The following DIP2C variants were observed in gnomAD, a reference collection of about 807,000 sequenced individuals.
DIP2C encodes the protein disco-interacting protein 2 homolog C.
Under a neutral mutation model 192.4 loss-of-function variants are expected in DIP2C, and 33 were observed. That is an observed-to-expected ratio of 0.17 (90% CI 0.13 to 0.23). The LOEUF (loss-of-function observed/expected upper bound fraction) is 0.23. DIP2C is among the 10% of genes least tolerant of loss of function. The pLI, the probability that DIP2C is intolerant of heterozygous loss-of-function variation, is 1.00. For synonymous variants in DIP2C, 979 were observed against 864.1 expected, an observed-to-expected ratio of 1.13 and a Z score of -2.33; for missense variants, 1,537 against 2,110.1, an observed-to-expected ratio of 0.73 and a Z score of 5.32.
chr10:571,322 G>A (rs1157949439), intron 1 of DIP2C, among the ~76,000 whole-genome samples: 6 of 152,036 alleles, frequency 3.9e-5, no homozygotes, highest in African/African-American at 7.2e-5. Flanking sequence ...GCTCCCCCCG[G>A]CCATCACACT....
chr10:467,605 T>C (rs1213164167), intron 3 of DIP2C, among the ~76,000 whole-genome samples: 1 of 144,858 alleles, frequency 6.9e-6, no homozygotes, highest in African/African-American at 2.5e-5. Flanking sequence ...ATATATACCA[T>C]GGAATAGTAT....
chr10:605,475 G>A (rs376549855), intron 1 of DIP2C, among the ~76,000 whole-genome samples: 80 of 152,294 alleles, frequency 5.3e-4, no homozygotes, highest in African/African-American at 1.7e-3. Flanking sequence ...ATCAACTGAT[G>A]CCCGCCCTTC....
intron 1 of DIP2C, among the ~76,000 whole-genome samples, chr10:571,206 C>T (rs1011517930): frequency 2.0e-5 from 3 of 152,236 alleles, no homozygotes; most frequent in African/African-American, 7.2e-5. Flanking sequence ...CAGGGAGAAG[C>T]ACTTCTCTCT....
intron 1 of DIP2C, among the ~76,000 whole-genome samples, chr10:620,008 A>G (rs533823571): frequency 6.6e-6 from 1 of 152,218 alleles, no homozygotes; most frequent in African/African-American, 2.4e-5. Context: ...AAGACACCCA[A>G]TCAGATGCAG....
chr10:500,481 C>A (rs189224686), intron 1 of DIP2C, among the ~76,000 whole-genome samples: 2 of 152,218 alleles, frequency 1.3e-5, no homozygotes, highest in African/African-American at 4.8e-5. Flanking sequence ...AGGTTTTACA[C>A]GAGAATTTCC....
At chr10:534,250 G>A (rs1403023771) in intron 1 of DIP2C, among the ~76,000 whole-genome samples, 7 of 152,190 alleles carry the variant, frequency 4.6e-5, no homozygotes, top group East Asian at 1.9e-4. Context: ...CGTGCGAAAC[G>A]GGGAGGTGCA....
chr10:344,643 T>C (rs1199299702), intron 28 of DIP2C, among the ~76,000 whole-genome samples, 166 bp downstream of exon 28: 1 of 152,192 alleles, frequency 6.6e-6, no homozygotes, highest in African/African-American at 2.4e-5. Flanking sequence ...TGGTTAAGGA[T>C]GGAAATGGTC....
Position 689,600 on chromosome 10 carries a change from G to A in DIP2C, c.-22C>T. On this transcript the variant is annotated 5_prime_UTR_variant, in exon 1 of 37. Transcript: ENST00000280886. This position sits in a 1 kb window ranked among gnomAD's most constrained non-coding sequence, Gnocchi z 6.1. ...CCATGCTCCGCGGGCGCCGCGCCCC[G>A]CACGGCCTCCTCTTTGTTCGCAGGC... The A allele has an allele frequency of 1.5e-5, 17 of 1,130,844 alleles. No individual in the cohort carries two copies. The highest frequency in any genetic ancestry group is 1.7e-5 in the Non-Finnish European group (16 of 921,130). 70.1% of individuals were successfully genotyped at this position (1,130,844 alleles called of 1,614,324 possible).
At chr10:330,646 G>A (rs1325239459) in intron 29 of DIP2C, among the ~76,000 whole-genome samples, 1 of 118,448 alleles carries the variant, frequency 8.4e-6, no homozygotes, top group Non-Finnish European at 1.7e-5. Context: ...GCACCACCAT[G>A]CTTGTTTTTT....
intron 4 of DIP2C, among the ~76,000 whole-genome samples, chr10:425,036 G>C (rs1173444593): frequency 7.5e-6 from 1 of 133,598 alleles, no homozygotes; most frequent in South Asian, 2.7e-4. Flanking sequence ...GGATGATACA[G>C]CATGACCAGC....
At chr10:297,142 C>T (rs1038478342) in intron 32 of DIP2C, among the ~76,000 whole-genome samples, 2 of 151,594 alleles carry the variant, frequency 1.3e-5, no homozygotes, top group Admixed American at 6.6e-5. Context: ...TGCAGTGAGC[C>T]GAGATCATGC....
chr10:385,764 C>A (rs1181145444), intron 14 of DIP2C, among the ~76,000 whole-genome samples: 1 of 152,152 alleles, frequency 6.6e-6, no homozygotes, highest in Non-Finnish European at 1.5e-5. Flanking sequence ...GTGTGGCGGG[C>A]TAGGATTCTT....
At chr10:495,515 G>A (rs1309916632) in intron 1 of DIP2C, among the ~76,000 whole-genome samples, 1 of 151,606 alleles carries the variant, frequency 6.6e-6, no homozygotes, top group Non-Finnish European at 1.5e-5. Context: ...TATAGGTTTT[G>A]AATGTTGGTT....
intron 1 of DIP2C, among the ~76,000 whole-genome samples, chr10:521,891 G>A (rs1048348859): frequency 2.7e-5 from 4 of 147,782 alleles, no homozygotes; most frequent in East Asian, 2.0e-4. Context: ...CACCCCCACC[G>A]GACCAGCATG....
chr10:378,444 GAC>G (rs1015187683), intron 17 of DIP2C, among the ~76,000 whole-genome samples: 43 of 152,296 alleles, frequency 2.8e-4, no homozygotes, highest in African/African-American at 9.9e-4. Flanking sequence ...CATGCATAAA[GAC>G]ACGTGAACAC....
intron 4 of DIP2C, among the ~76,000 whole-genome samples, chr10:428,795 C>T (rs534580751): frequency 1.0e-3 from 152 of 152,174 alleles, no homozygotes; most frequent in Non-Finnish European, 1.3e-3. Context: ...AGGTTCTGTT[C>T]GCATTTAATT....
chr10:496,502 C>T (rs185650906), intron 1 of DIP2C, among the ~76,000 whole-genome samples: 1 of 150,996 alleles, frequency 6.6e-6, no homozygotes, highest in African/African-American at 2.4e-5. Flanking sequence ...AGTGCCCTCC[C>T]GTGTACTTAA....
intron 1 of DIP2C, among the ~76,000 whole-genome samples, chr10:554,606 G>A (rs368697522): frequency 7.1e-4 from 108 of 152,334 alleles, no homozygotes; most frequent in East Asian, 2.9e-3. Context: ...GCAAGACCCC[G>A]GTTCCCTTCT....
At chr10:534,616 C>CCCAT (rs752499393) in intron 1 of DIP2C, among the ~76,000 whole-genome samples, 1 of 152,168 alleles carries the variant, frequency 6.6e-6, no homozygotes, top group Non-Finnish European at 1.5e-5. Context: ...ACCTTCCAGC[C>CCCAT]CCATCTACCC....
Sources: gnomAD v4.1 joint callset for allele counts (sites outside exome capture counted in the v4.1 genomes callset) on GRCh38, gnomAD v4.1.1 for gene constraint, Gnocchi (gnomAD v3.1) non-coding constraint, MANE v1.5 for transcripts, NCBI Gene and HGNC (gene_info 2026-07-23, HGNC 2026-07-21) for gene names.